Variants in MATN3 observed in about 807,000 individuals in gnomAD.
MATN3 encodes matrilin 3, also known as matrilin-3.
In MATN3, 48 loss-of-function variants were observed where a neutral mutation model predicts 45.3. The ratio of observed to expected loss-of-function variants is 1.06; its 90% CI spans 0.84 to 1.35. MATN3 has a LOEUF of 1.35. Among genes scored for constraint, MATN3 ranks in the 40% most tolerant of loss-of-function variants. The probability of loss-of-function intolerance (pLI) is 0.00; values close to 1 mark genes in which losing one functional copy is unlikely to be tolerated. For synonymous variants in MATN3, 217 were observed against 245.9 expected (o/e 0.88, Z 1.10); for missense variants, 599 against 628.0 (o/e 0.95, Z 0.49).
At chr2:20,005,582 G>A (rs527641507) in intron 2 of MATN3, among the ~76,000 whole-genome samples, 162 bp downstream of exon 2, 6 of 152,190 alleles carry the variant, frequency 3.9e-5, no homozygotes, top group South Asian at 4.1e-4. Flanking sequence ...TAGGTTGGTC[G>A]CACACACGCG....
intron 5 of MATN3, chr2:19,997,595 C>G (rs1175109515): frequency 1.2e-5 from 2 of 168,636 alleles, no homozygotes; most frequent in East Asian, 3.3e-4. Flanking sequence ...ACTATCAATG[C>G]TTCTAGCATC....
chr2:20,007,871 T>TC (rs969011104), intron 1 of MATN3, among the ~76,000 whole-genome samples: 1 of 152,084 alleles, frequency 6.6e-6, no homozygotes, highest in Non-Finnish European at 1.5e-5. Context: ...CTTTCCTGTT[T>TC]CCCCCAACCC....
chr2:19,997,379 T>G (rs1672895519), intron 5 of MATN3, 120 bp from the exon 6 acceptor site: 1 of 1,059,702 alleles, frequency 9.4e-7, no homozygotes, highest in Non-Finnish European at 1.3e-6. Context: ...TAGTAGTCAG[T>G]AGTCAGCAAC....
chr2:20,001,256 C>A (rs1672979245), intron 4 of MATN3, among the ~76,000 whole-genome samples: 1 of 152,160 alleles, frequency 6.6e-6, no homozygotes, highest in Non-Finnish European at 1.5e-5. Context: ...TACTAATCTA[C>A]AGACTTTATT....
At chr2:20,008,458 A>C (rs1673154992) in intron 1 of MATN3, among the ~76,000 whole-genome samples, 1 of 152,250 alleles carries the variant, frequency 6.6e-6, no homozygotes, top group Admixed American at 6.5e-5. Flanking sequence ...GCCTAGACTA[A>C]GCAGTTTATA....
chr2:20,011,171 G>A (rs1673212746), intron 1 of MATN3, among the ~76,000 whole-genome samples: 2 of 152,224 alleles, frequency 1.3e-5, no homozygotes, highest in Non-Finnish European at 1.5e-5. Flanking sequence ...GATCAGGTTC[G>A]GACTCTAGGT....
rs374177298 is a variant in MATN3, at chr2:20,001,939, C to T, written c.1042+16G>A. 8.7e-6 allele frequency: 14 copies of T among 1,611,160 alleles called. No individual in the cohort carries two copies. The highest frequency in any genetic ancestry group is 1.3e-5 in the African/African-American group (1 of 74,810). ...GAGAGCTAAGTAGCAATAGTAAAGA[C>T]TCCTCCCTCACTTACCTGAACAAGT... is the stretch of plus-strand genomic sequence containing the variant. On this transcript the variant is annotated intron_variant, in intron 4 of 7. Coordinates refer to ENST00000407540, the MANE Select transcript of MATN3 (RefSeq NM_002381.5).
intron 5 of MATN3, 43 bp downstream of exon 5, chr2:20,000,398 G>A: frequency 6.4e-7 from 1 of 1,565,096 alleles, no homozygotes; most frequent in Non-Finnish European, 8.6e-7. Context: ...TTGGTTTCAT[G>A]TGAAAGACCC....
chr2:19,993,311 T>C (rs1249278057), intron 7 of MATN3, 145 bp from the exon 8 acceptor site: 23 of 707,416 alleles, frequency 3.3e-5, no homozygotes, highest in Non-Finnish European at 4.5e-5. Context: ...AAAAGTTGAA[T>C]TCAGTCTAAA....
In MATN3 at chr2:20,000,682, T is replaced by G. The variant is rs1672968713; in HGVS notation, c.1043-116A>C. 4 of 998,614 alleles carry G rather than the reference T, an allele frequency of 4.0e-6. No individual in the cohort carries two copies. The African/African-American group carries it at 6.7e-5, about 17-fold the overall frequency. 61.9% of individuals were successfully genotyped at this position (998,614 alleles called of 1,614,324 possible). A position where few individuals can be genotyped will look rare whatever the true frequency, so the allele number is the denominator to read the frequency against. On this transcript the variant is annotated intron_variant, in intron 4 of 7. Transcript: ENST00000407540. ...ATGAGGAAAACTTACTGGAAACTAT[T>G]CAAAGCCATTGGCACTGTTTTTTTC...
chr2:20,002,910 T>C (rs2103482502), intron 3 of MATN3, among the ~76,000 whole-genome samples: 1 of 152,180 alleles, frequency 6.6e-6, no homozygotes, highest in Middle Eastern at 3.2e-3. Context: ...CCTGGACCTC[T>C]TTCTTAGTAG....
chr2:20,002,161 TACACAC>T (rs35083474), intron 3 of MATN3, 81 bp from the exon 4 acceptor site: 36 of 647,436 alleles, frequency 5.6e-5, no homozygotes, highest in South Asian at 1.3e-4. Context: ...CTTACAGTTA[TACACAC>T]ACACACACAC....
At position 20,012,467 on chromosome 2, in the gene MATN3, CGCA is replaced by C. The variant is rs1673237275; in HGVS notation, c.162_164del (p.Ala56del). On this transcript the variant is annotated inframe_deletion, in exon 1 of 8. Coordinates refer to ENST00000407540, the MANE Select transcript of MATN3 (RefSeq NM_002381.5). The surrounding 1 kb of genome is among the most constrained non-coding windows in gnomAD (Gnocchi z 4.3). ...CGGAAGCGGGCGCGCCGTCGGGAGC[CGCA>C]GGAGAGGGGCGGCGTCCAGGGCTGC... is the stretch of plus-strand genomic sequence containing the variant. The C allele has an allele frequency of 8.1e-7, 1 of 1,229,282 alleles. No homozygotes were observed. Among genetic ancestry groups the C allele is most frequent in the East Asian group, 3.2e-5 (1 of 31,544 alleles). 76.1% of individuals were successfully genotyped at this position (1,229,282 alleles called of 1,614,324 possible). A position where few individuals can be genotyped will look rare whatever the true frequency, so the allele number is the denominator to read the frequency against.
At chr2:20,010,388 T>C in intron 1 of MATN3, among the ~76,000 whole-genome samples, 1 of 152,142 alleles carries the variant, frequency 6.6e-6, no homozygotes, top group Non-Finnish European at 1.5e-5. Flanking sequence ...TGCAGAATAA[T>C]GTCCCCCGCC....
In MATN3 at chr2:20,002,214, GGCA is replaced by G. The variant is rs1279873955; in HGVS notation, c.917-137_917-135del. The G allele has an allele frequency of 1.8e-5, 12 of 654,730 alleles. No homozygotes were observed. The African/African-American group carries it at 2.2e-4, about 12-fold the overall frequency. 40.6% of individuals were successfully genotyped at this position (654,730 alleles called of 1,614,324 possible). A position where few individuals can be genotyped will look rare whatever the true frequency, so the allele number is the denominator to read the frequency against. ...CACAGAGCTAATGAAACAAGGGAGG[GGCA>G]GCTGGGAGTTGGGAACCAACCCTCC... On this transcript the variant is annotated intron_variant, in intron 3 of 7. Transcript: ENST00000407540.
In MATN3 at chr2:19,999,909, T is replaced by G. The variant is rs138102496; in HGVS notation, c.1168+532A>C. On this transcript the variant is annotated intron_variant, in intron 5 of 7. Coordinates refer to ENST00000407540, the MANE Select transcript of MATN3 (RefSeq NM_002381.5). Reference sequence around the variant, plus strand: ...CATTGGCCAACGTATAAGGCTGAGTTTCACCAATGATTGATCGTCTAGAAA... The same window carrying G: ...CATTGGCCAACGTATAAGGCTGAGTGTCACCAATGATTGATCGTCTAGAAA... Among the ~76,000 whole-genome samples, 13 of 152,282 alleles carry G rather than the reference T, an allele frequency of 8.5e-5. No homozygotes were observed. In the East Asian group the frequency reaches 2.1e-3, roughly 25 times the overall value.
intron 1 of MATN3, among the ~76,000 whole-genome samples, chr2:20,009,503 G>C (rs1265135306): frequency 6.6e-6 from 1 of 152,094 alleles, no homozygotes; most frequent in East Asian, 1.9e-4. Flanking sequence ...AGAGGAGGGA[G>C]AGCATTAGGA....
intron 4 of MATN3, 37 bp from the exon 5 acceptor site, chr2:20,000,603 G>A (rs1341289800): frequency 6.3e-7 from 1 of 1,589,768 alleles, no homozygotes; most frequent in Non-Finnish European, 8.5e-7. Flanking sequence ...GAAATAGAAG[G>A]TGGAAAAGTA....
chr2:19,994,418 A>C lies in MATN3; in HGVS notation c.1295-9T>G. On this transcript the variant is annotated splice_polypyrimidine_tract_variant and intron_variant, in intron 6 of 7. Transcript: ENST00000407540. ...TCGTGCTTCCTCAGTGGCTGAAGAC[A>C]ATGACAGTACACAAATATACTATCT... is the stretch of plus-strand genomic sequence containing the variant. 2 of 1,505,162 alleles carry C rather than the reference A, an allele frequency of 1.3e-6. No individual in the cohort carries two copies. The highest frequency in any genetic ancestry group is 1.7e-4 in the Middle Eastern group (1 of 5,882). The allele number at this position is 1,505,162 out of a possible 1,614,324, so 93.2% of individuals were successfully genotyped here.
Sources: gnomAD v4.1 joint callset for allele counts (sites outside exome capture counted in the v4.1 genomes callset) on GRCh38, gnomAD v4.1.1 for gene constraint, Gnocchi (gnomAD v3.1) non-coding constraint, MANE v1.5 for transcripts, NCBI Gene and HGNC (gene_info 2026-07-23, HGNC 2026-07-21) for gene names.